SBF2: variants seen among roughly 807,000 people sequenced by gnomAD.
The protein encoded by SBF2 is myotubularin-related protein 13.
Under a neutral mutation model 225.2 loss-of-function variants are expected in SBF2, and 112 were observed. That is an observed-to-expected ratio of 0.50 (90% CI 0.43 to 0.58). The LOEUF (loss-of-function observed/expected upper bound fraction) is 0.58. SBF2 is among the 20% of genes least tolerant of loss of function. The pLI is 0.00. For missense variants in SBF2, 1,996 were observed against 2,206.2 expected (o/e 0.90, Z 1.91); for synonymous variants, 763 against 773.3 (o/e 0.99, Z 0.22).
At chr11:10,215,243 G>A (rs1178306105) in intron 1 of SBF2, among the ~76,000 whole-genome samples, 1 of 152,034 alleles carries the variant, frequency 6.6e-6, no homozygotes, top group African/African-American at 2.4e-5. Flanking sequence ...AAACAAAGCA[G>A]CCTATAGGGA....
chr11:10,146,696 T>A (rs920422472), intron 2 of SBF2, among the ~76,000 whole-genome samples: 1 of 152,074 alleles, frequency 6.6e-6, no homozygotes, highest in Admixed American at 6.5e-5. Context: ...CCAAAAGCAA[T>A]TGCAACAAAA....
At position 9,812,718 on chromosome 11, in the gene SBF2, A is replaced by G; in HGVS notation, c.3979-10T>C. ...ATTCTACCTTGAAGTTCTGCGGATG[A>G]AGATTCAGAGAATTAGGCAGATGAA... On this transcript the variant is annotated splice_polypyrimidine_tract_variant and intron_variant, in intron 29 of 39. Coordinates refer to ENST00000256190, the MANE Select transcript of SBF2 (RefSeq NM_030962.4). 1.9e-6 allele frequency: 3 copies of G among 1,613,866 alleles called. No homozygotes were observed. Among genetic ancestry groups the G allele is most frequent in the Non-Finnish European group, 2.5e-6 (3 of 1,179,830 alleles).
intron 1 of SBF2, among the ~76,000 whole-genome samples, chr11:10,262,972 C>G (rs1386453267): frequency 6.6e-6 from 1 of 151,930 alleles, no homozygotes; most frequent in Non-Finnish European, 1.5e-5. Flanking sequence ...CTTGCATTAA[C>G]AAGTAATGAC....
intron 1 of SBF2, among the ~76,000 whole-genome samples, chr11:10,239,731 A>G (rs59705993): frequency 0.011 from 1,624 of 147,716 alleles, 39 homozygotes; most frequent in African/African-American, 0.037. Flanking sequence ...CGTCACAACA[A>G]TGGTCAAGAG....
intron 17 of SBF2, among the ~76,000 whole-genome samples, chr11:9,893,850 C>T (rs185450839): frequency 6.6e-6 from 1 of 152,300 alleles, no homozygotes; most frequent in Admixed American, 6.5e-5. Flanking sequence ...ATGCCTGAGC[C>T]CTAGAGGTAG....
chr11:9,970,452 G>A (rs949637996), intron 13 of SBF2, among the ~76,000 whole-genome samples: 5 of 151,944 alleles, frequency 3.3e-5, no homozygotes, highest in Admixed American at 1.3e-4. Context: ...TGATCCACCC[G>A]CCTCAGCCTC....
At chr11:9,939,192 T>A (rs1287586329) in intron 16 of SBF2, among the ~76,000 whole-genome samples, 1 of 151,960 alleles carries the variant, frequency 6.6e-6, no homozygotes, top group Non-Finnish European at 1.5e-5. Flanking sequence ...GCCTCCAAGG[T>A]TCAAGCGAGT....
In SBF2 at chr11:9,812,709, C is replaced by G. The variant is rs1399401505; in HGVS notation, c.3979-1G>C. ...TTAAAGCAAATTCTACCTTGAAGTT[C>G]TGCGGATGAAGATTCAGAGAATTAG... is the stretch of plus-strand genomic sequence containing the variant. On this transcript the variant is annotated splice_acceptor_variant, in intron 29 of 39. Coordinates refer to ENST00000256190, the MANE Select transcript of SBF2 (RefSeq NM_030962.4). LOFTEE classifies it high-confidence loss of function. The G allele has an allele frequency of 2.5e-6, 4 of 1,614,026 alleles. No individual in the cohort carries two copies. Among genetic ancestry groups the G allele is most frequent in the Non-Finnish European group, 3.4e-6 (4 of 1,179,980 alleles).
intron 16 of SBF2, among the ~76,000 whole-genome samples, chr11:9,942,942 G>GAAAGAAAGAAAGAAA (rs1383195932): frequency 3.7e-4 from 29 of 77,474 alleles, no homozygotes; most frequent in Non-Finnish European, 6.3e-4. Flanking sequence ...AAAGAAAGAA[G>GAAAGAAAGAAAGAAA]GAAGGAACGA....
chr11:10,187,869 A>G (rs920536542), intron 2 of SBF2, among the ~76,000 whole-genome samples: 49 of 152,224 alleles, frequency 3.2e-4, no homozygotes, highest in Admixed American at 3.1e-3. Flanking sequence ...GTGATTTCAG[A>G]ACAGACAGGA....
At chr11:10,101,659 CTGTGTGTGTGTGTGTG>C (rs144213559) in intron 2 of SBF2, among the ~76,000 whole-genome samples, 3 of 148,050 alleles carry the variant, frequency 2.0e-5, no homozygotes, top group East Asian at 2.0e-4. Flanking sequence ...CTCTCTCGCT[CTGTGTGTGTGTGTGTG>C]TGTGTGTGTG....
At chr11:9,846,552 T>C (rs552536651) in intron 23 of SBF2, among the ~76,000 whole-genome samples, 9 of 152,230 alleles carry the variant, frequency 5.9e-5, no homozygotes, top group Non-Finnish European at 7.3e-5. Context: ...CTAGTACCAA[T>C]AGAACTTTAG....
At chr11:10,000,775 T>C in intron 8 of SBF2, 139 bp downstream of exon 8, 2 of 614,196 alleles carry the variant, frequency 3.3e-6, no homozygotes, top group Non-Finnish European at 5.9e-6. Context: ...TTTTCAATGA[T>C]ATTTTTCTTC....
intron 17 of SBF2, among the ~76,000 whole-genome samples, chr11:9,894,733 CA>C: frequency 6.6e-6 from 1 of 152,126 alleles, no homozygotes; most frequent in East Asian, 1.9e-4. Context: ...GTAATCCCAG[CA>C]CTTTGGGAGG....
At chr11:9,900,099 TTCGG>T in intron 16 of SBF2, among the ~76,000 whole-genome samples, 1 of 151,036 alleles carries the variant, frequency 6.6e-6, no homozygotes, top group African/African-American at 2.4e-5. Context: ...ATGAAGGGAA[TTCGG>T]TATACAGCAT....
chr11:10,121,658 A>G (rs1953456416), intron 2 of SBF2, among the ~76,000 whole-genome samples: 1 of 152,250 alleles, frequency 6.6e-6, no homozygotes. Context: ...ATATAAAAAT[A>G]TGCTTTTGTA....
In SBF2 at chr11:9,990,649, CAG is replaced by C. The variant is rs951498568; in HGVS notation, c.1297-1056_1297-1055del. On this transcript the variant is annotated intron_variant, in intron 12 of 39. Coordinates refer to ENST00000256190, the MANE Select transcript of SBF2 (RefSeq NM_030962.4). ...CCCAAAGTCACCACTGTAGGCCAAA[CAG>C]AGAACTGGATGAACACTAAGGGGTG... is the stretch of plus-strand genomic sequence containing the variant. Among the ~76,000 whole-genome samples, 3 of 152,306 alleles carry C rather than the reference CAG, an allele frequency of 2.0e-5. No individual in the cohort carries two copies. In the South Asian group the frequency reaches 6.2e-4, roughly 32 times the overall value.
intron 1 of SBF2, among the ~76,000 whole-genome samples, chr11:10,263,769 A>T (rs927255621): frequency 5.9e-5 from 9 of 152,188 alleles, no homozygotes; most frequent in South Asian, 2.1e-4. Context: ...GCTGAAATTA[A>T]ACTCTCTGGA....
intron 21 of SBF2, 34 bp from the exon 22 acceptor site, chr11:9,850,252 T>TGACTAATTGATTGAC (rs773809056): frequency 6.3e-7 from 1 of 1,590,818 alleles, no homozygotes; most frequent in East Asian, 2.2e-5. Flanking sequence ...GATTGATTGA[T>TGACTAATTGATTGAC]TGACTAATTG....
Sources: allele counts gnomAD v4.1 joint callset (sites outside exome capture counted in the v4.1 genomes callset), GRCh38; gene constraint gnomAD v4.1.1; transcripts MANE v1.5; gene names NCBI Gene and HGNC (gene_info 2026-07-23, HGNC 2026-07-21).